The following PREP variants were observed in gnomAD, a reference collection of about 807,000 sequenced individuals.
PREP encodes dJ355L5.1 (prolyl endopeptidase).
A neutral mutation model predicts 87.6 loss-of-function variants in PREP; 29 were observed. That is an observed-to-expected ratio of 0.33 (90% CI 0.25 to 0.45). PREP has a LOEUF of 0.45. Among genes scored for constraint, PREP ranks in the 20% least tolerant of loss-of-function variants. The pLI is 1.00. For missense variants in PREP, 695 were observed against 886.5 expected (o/e 0.78, Z 2.74); for synonymous variants, 337 against 328.6 (o/e 1.03, Z -0.28).
chr6:105,367,464 G>A (rs2114701481), intron 6 of PREP, among the ~76,000 whole-genome samples: 3 of 152,238 alleles, frequency 2.0e-5, no homozygotes, highest in East Asian at 3.9e-4. Context: ...ACGAGGTCAG[G>A]AGATCGAGAC....
chr6:105,391,990 C>G (rs185249172), intron 2 of PREP, among the ~76,000 whole-genome samples: 66 of 150,942 alleles, frequency 4.4e-4, no homozygotes, highest in Non-Finnish European at 7.2e-4. Context: ...GAAATGTGTG[C>G]GGAATGGGAA....
intron 2 of PREP, among the ~76,000 whole-genome samples, chr6:105,382,730 G>A (rs755038586): frequency 6.6e-6 from 1 of 152,180 alleles, no homozygotes; most frequent in Non-Finnish European, 1.5e-5. Flanking sequence ...GTGGGCTGGG[G>A]CAAGTGCCAT....
At chr6:105,365,961 T>C (rs989997035) in intron 6 of PREP, among the ~76,000 whole-genome samples, 1 of 151,958 alleles carries the variant, frequency 6.6e-6, no homozygotes, top group East Asian at 1.9e-4. Flanking sequence ...TTCTTTAAAG[T>C]CATTACTCTT....
intron 2 of PREP, among the ~76,000 whole-genome samples, chr6:105,385,298 A>AG (rs1485101932): frequency 4.6e-5 from 7 of 151,332 alleles, no homozygotes; most frequent in Admixed American, 1.3e-4. Context: ...AAAAAAAAAA[A>AG]AAAAGAAAAA....
Position 105,353,062 on chromosome 6 carries a change from G to T in PREP, c.733C>A (p.Arg245Ser). 2 of 1,613,012 alleles carry T rather than the reference G, an allele frequency of 1.2e-6. No homozygotes were observed. Among genetic ancestry groups the T allele is most frequent in the Non-Finnish European group, 8.5e-7 (1 of 1,179,400 alleles). ...TCCCTTATTGATAACAAGACATAGC[G>T]GCCATCATCAGATAACTAAAAAAGA... Reference protein sequence around the residue: ...MGGAELSDDGRYVLLSIREGC... With the variant: ...MGGAELSDDGSYVLLSIREGC... The change falls in exon 7 of 15, where the codon CGC becomes AGC. Residue 245 changes from arginine to serine, a missense_variant. Arg to Ser is a moderately radical substitution (Grantham distance 110, BLOSUM62 -1). Coordinates refer to ENST00000652536, the MANE Select transcript of PREP (RefSeq NM_002726.5).
At chr6:105,390,762 G>A (rs1336368836) in intron 2 of PREP, among the ~76,000 whole-genome samples, 1 of 152,154 alleles carries the variant, frequency 6.6e-6, no homozygotes. Context: ...GTAAAGAGAA[G>A]AAAGTATCAC....
intron 3 of PREP, among the ~76,000 whole-genome samples, chr6:105,376,903 G>A (rs1003758270): frequency 2.6e-5 from 4 of 152,236 alleles, no homozygotes; most frequent in Non-Finnish European, 5.9e-5. Flanking sequence ...TAAAGTAAAT[G>A]TGTGATAGTG....
At chr6:105,295,418 C>T (rs1261713733) in intron 10 of PREP, among the ~76,000 whole-genome samples, 2 of 152,008 alleles carry the variant, frequency 1.3e-5, no homozygotes, top group African/African-American at 4.8e-5. Context: ...CAGATAGACT[C>T]AAATTTCTCC....
At chr6:105,370,214 C>A (rs781735534) in intron 5 of PREP, among the ~76,000 whole-genome samples, 1 of 149,486 alleles carries the variant, frequency 6.7e-6, no homozygotes, top group Non-Finnish European at 1.5e-5. Context: ...TACGCCACTG[C>A]ACTCCAGCCT....
chr6:105,294,930 T>C lies in PREP; in HGVS notation c.1318-6036A>G, dbSNP rs1468461541. Among the ~76,000 whole-genome samples the C allele has an allele frequency of 2.6e-5, 4 of 152,216 alleles. No homozygotes were observed. The East Asian group carries it at 7.7e-4, about 29-fold the overall frequency. Reference sequence around the variant, plus strand: ...GCCCAGCTTGGGACCCTTGGACAGCTCTTTAAATGTTACTAAATCCGGAAC... The same window carrying C: ...GCCCAGCTTGGGACCCTTGGACAGCCCTTTAAATGTTACTAAATCCGGAAC... On this transcript the variant is annotated intron_variant, in intron 10 of 14. Transcript: ENST00000652536.
At chr6:105,322,955 C>G in intron 10 of PREP, 2 of 1,275,286 alleles carry the variant, frequency 1.6e-6, no homozygotes, top group Non-Finnish European at 2.0e-6. Context: ...GATTCCTAAT[C>G]TGTGGCCTGT....
intron 10 of PREP, among the ~76,000 whole-genome samples, chr6:105,303,352 A>G (rs545093484): frequency 1.2e-4 from 19 of 152,120 alleles, no homozygotes; most frequent in Non-Finnish European, 2.8e-4. Context: ...CACCAAGCCC[A>G]TCCAAAGTCC....
intron 10 of PREP, among the ~76,000 whole-genome samples, chr6:105,291,477 T>C (rs1770295558): frequency 6.6e-6 from 1 of 152,290 alleles, no homozygotes; most frequent in South Asian, 2.1e-4. Context: ...AATCCACCCT[T>C]CATCTGGTGG....
At chr6:105,393,166 T>A (rs7741545) in intron 2 of PREP, among the ~76,000 whole-genome samples, 1 of 152,056 alleles carries the variant, frequency 6.6e-6, no homozygotes, top group African/African-American at 2.4e-5. Flanking sequence ...TTTACAGAGC[T>A]TCTAAAACAA....
At chr6:105,312,350 T>A (rs1001673776) in intron 10 of PREP, among the ~76,000 whole-genome samples, 1 of 152,242 alleles carries the variant, frequency 6.6e-6, no homozygotes, top group East Asian at 1.9e-4. Flanking sequence ...AACTGGTAGA[T>A]GCTCTTAAAG....
Position 105,302,831 on chromosome 6 carries a change from C to T in PREP, c.1318-13937G>A, listed in dbSNP as rs375013219. ...AGACTTGATCTTAGCCATTGCTGCA[C>T]AGGCCGCCCCCGCCGCCTGCTCCGA... On this transcript the variant is annotated intron_variant, in intron 10 of 14. Transcript: ENST00000652536. 11 of 381,114 alleles carry T rather than the reference C, an allele frequency of 2.9e-5. No homozygotes were observed. The East Asian group carries it at 6.7e-4, about 23-fold the overall frequency. 23.6% of individuals were successfully genotyped at this position (381,114 alleles called of 1,614,324 possible). A position where few individuals can be genotyped will look rare whatever the true frequency, so the allele number is the denominator to read the frequency against.
At chr6:105,362,758 A>G (rs1174804146) in intron 6 of PREP, among the ~76,000 whole-genome samples, 1 of 152,176 alleles carries the variant, frequency 6.6e-6, no homozygotes, top group Admixed American at 6.5e-5. Context: ...TGGTGGACAC[A>G]AGGCAAGGGC....
chr6:105,374,853 T>C (rs1433127747), intron 4 of PREP, among the ~76,000 whole-genome samples: 3 of 152,146 alleles, frequency 2.0e-5, no homozygotes, highest in Admixed American at 6.5e-5. Context: ...GCAGGTCTCA[T>C]GCCTAATTTA....
At chr6:105,401,078 T>G (rs960069784) in intron 1 of PREP, among the ~76,000 whole-genome samples, 3 of 152,232 alleles carry the variant, frequency 2.0e-5, no homozygotes, top group African/African-American at 7.2e-5. Context: ...CATGAGTTGC[T>G]TAATGAGAAG....
Sources: allele counts gnomAD v4.1 joint callset (sites outside exome capture counted in the v4.1 genomes callset), GRCh38; gene constraint gnomAD v4.1.1; transcripts MANE v1.5; gene names NCBI Gene and HGNC (gene_info 2026-07-23, HGNC 2026-07-21).